ABCA2: variants seen among roughly 807,000 people sequenced by gnomAD.
ABCA2 encodes ATP-binding cassette sub-family A member 2.
In ABCA2, 84 loss-of-function variants were observed where a neutral mutation model predicts 262.8. The observed-to-expected ratio is 0.32, with a 90% CI of 0.27 to 0.38. The LOEUF (loss-of-function observed/expected upper bound fraction) is 0.38, where lower values mean the gene tolerates loss of function less well. Among genes scored for constraint, ABCA2 ranks in the 10% least tolerant of loss-of-function variants. The pLI is 1.00. For missense variants in ABCA2, 2,662 were observed against 3,405.9 expected (o/e 0.78, Z 5.44); for synonymous variants, 1,696 against 1,502.9 (o/e 1.13, Z -2.97).
rs1440770245 is a variant in ABCA2, at chr9:137,012,783, G to T, written c.5010C>A (p.Ile1670=). ...PPQMRVVTGD[I]LTDITGHNVS... is the part of the protein sequence containing the mutation. Reference sequence around the variant, plus strand: ...CATTGTGGCCGGTGATGTCGGTCAGGATGTCGCCTGTGACCACCCGCATCT... The same window carrying T: ...CATTGTGGCCGGTGATGTCGGTCAGTATGTCGCCTGTGACCACCCGCATCT... The change falls in exon 31 of 49, where the codon ATC becomes ATA. Residue 1670 remains isoleucine, a synonymous_variant. Transcript: ENST00000341511. 3 of 1,612,552 alleles carry T rather than the reference G, an allele frequency of 1.9e-6. No individual in the cohort carries two copies. Among genetic ancestry groups the T allele is most frequent in the Admixed American group, 1.7e-5 (1 of 60,004 alleles).
rs551567488 is a variant in ABCA2, at chr9:137,014,213, G to A, written c.4195C>T (p.Pro1399Ser). The stretch of plus-strand genomic sequence containing the variant: ...GGGTCCTGTGGGTTATCAAAGAGGG[G>A]GCGGTAGTCGCCATAGACGTCGGTG... ...GYTDVYGDYR[P>S]LFDNPQDPDN... Residue 1399 changes from proline to serine, a missense_variant, in exon 27 of 49, where the codon CCC becomes TCC. Pro to Ser is a moderately conservative substitution (Grantham distance 74). This residue lies in a region of ABCA2 where 297 missense variants were observed against 286.5 expected (regional missense o/e 1.04). Transcript: ENST00000341511. The A allele has an allele frequency of 1.4e-5, 23 of 1,609,640 alleles. No individual in the cohort carries two copies. The highest frequency in any genetic ancestry group is 1.3e-4 in the East Asian group (6 of 44,824).
In ABCA2 at chr9:137,015,508, C is replaced by T; in HGVS notation, c.3603G>A (p.Lys1201=). ...TGAGGAAGAGCGGGGAGCCGCAGCACTTGAGCTTCCCATGGGAGATGATGG... is the reference window on the plus strand; with the variant it reads ...TGAGGAAGAGCGGGGAGCCGCAGCATTTGAGCTTCCCATGGGAGATGATGG... ...RIAIISHGKL[K]CCGSPLFLKG... Residue 1201 remains lysine, a synonymous_variant, in exon 24 of 49, where the codon AAG becomes AAA. Coordinates refer to ENST00000341511, the MANE Select transcript of ABCA2 (RefSeq NM_001606.5). 1 of 1,612,366 alleles carries T rather than the reference C, an allele frequency of 6.2e-7. No homozygotes were observed. The highest frequency in any genetic ancestry group is 8.5e-7 in the Non-Finnish European group (1 of 1,179,764).
intron 19 of ABCA2, 71 bp downstream of exon 19, chr9:137,016,849 A>G: frequency 7.0e-6 from 11 of 1,580,420 alleles, no homozygotes; most frequent in Non-Finnish European, 9.5e-6. Flanking sequence ...AGGAGTGGAC[A>G]CAGACTGCTG....
At position 137,017,955 on chromosome 9, in the gene ABCA2, C is replaced by G. The variant is rs201200008; in HGVS notation, c.2096+18G>C. 72 of 1,612,356 alleles carry G rather than the reference C, an allele frequency of 4.5e-5. No homozygotes were observed. The Admixed American group carries it at 8.3e-4, about 19-fold the overall frequency. ...TCAGCCCCAGCCCCAGCCCCAGCCC[C>G]GGGCGCCCAGCACTCACTCATCGCG... On this transcript the variant is annotated intron_variant, in intron 15 of 48. Coordinates refer to ENST00000341511, the MANE Select transcript of ABCA2 (RefSeq NM_001606.5).
chr9:137,012,382 G>A lies in ABCA2; in HGVS notation c.5188-6C>T, dbSNP rs370080209. 1.0e-4 allele frequency: 163 copies of A among 1,611,292 alleles called. 1 individual carries two copies. The highest frequency in any genetic ancestry group is 1.3e-4 in the Non-Finnish European group (148 of 1,179,024). ...CCCTTGTTGTTGTAGAAAACCTGCA[G>A]AAGGAAGAGGACACAGAAAGGCCCC... On this transcript the variant is annotated splice_region_variant and splice_polypyrimidine_tract_variant and intron_variant, in intron 32 of 48. Coordinates refer to ENST00000341511, the MANE Select transcript of ABCA2 (RefSeq NM_001606.5).
At position 137,011,350 on chromosome 9, in the gene ABCA2, G is replaced by T. The variant is rs1476726356; in HGVS notation, c.5800-41C>A. 1.9e-6 allele frequency: 3 copies of T among 1,603,974 alleles called. No individual in the cohort carries two copies. The East Asian group carries it at 6.7e-5, about 36-fold the overall frequency. The stretch of plus-strand genomic sequence containing the variant: ...GGTCAGGGGCACAGGGGTGGCCGGG[G>T]TGAGGGGCACAGCCTCCGCAGGGTC... On this transcript the variant is annotated intron_variant, in intron 37 of 48. Transcript: ENST00000341511. The surrounding 1 kb of genome is among the most constrained non-coding windows in gnomAD (Gnocchi z 8.8).
chr9:137,018,770 C>T lies in ABCA2; in HGVS notation c.1768G>A (p.Val590Ile), dbSNP rs1024846912. ...FKGFPDEESI[V>I]NYTLNQAYQD... ...TAGGCCTGGTTGAGGGTGTAGTTGA[C>T]AATGCTCTCCTCGTCGGGGAAGCCC... Residue 590 changes from valine (V) to isoleucine (I), a missense_variant, in exon 13 of 49, where the codon GTC (valine) becomes ATC (isoleucine). Coordinates refer to ENST00000341511, the MANE Select transcript of ABCA2 (RefSeq NM_001606.5). The T allele has an allele frequency of 3.1e-6, 5 of 1,612,588 alleles. No homozygotes were observed. Among genetic ancestry groups the T allele is most frequent in the African/African-American group, 1.3e-5 (1 of 74,962 alleles).
Position 137,021,819 on chromosome 9 carries a change from TCA to T in ABCA2, c.678+70_678+71del. ...CCAAGTCACCAAAGGGGCCCTTTCCTCACCCACGGAGCAGAAGCACCCCCAGA... is the reference window on the plus strand; with the variant it reads ...CCAAGTCACCAAAGGGGCCCTTTCCTCCCACGGAGCAGAAGCACCCCCAGA... On this transcript the variant is annotated intron_variant, in intron 7 of 48. Coordinates refer to ENST00000341511, the MANE Select transcript of ABCA2 (RefSeq NM_001606.5). The surrounding 1 kb of genome is among the most constrained non-coding windows in gnomAD (Gnocchi z 6.0). 7.0e-7 allele frequency: 1 copy of T among 1,422,082 alleles called. No homozygotes were observed. The highest frequency in any genetic ancestry group is 1.2e-5 in the South Asian group (1 of 81,524). 88.1% of individuals were successfully genotyped at this position (1,422,082 alleles called of 1,614,324 possible).
At chr9:137,013,675 C>A in intron 28 of ABCA2, 112 bp from the exon 29 acceptor site, 2 of 1,371,348 alleles carry the variant, frequency 1.5e-6, no homozygotes, top group East Asian at 4.9e-5. Flanking sequence ...GTCTGGGACC[C>A]GAGGAGACAG....
intron 14 of ABCA2, 43 bp from the exon 15 acceptor site, chr9:137,018,118 G>C (rs780951001): frequency 3.1e-6 from 5 of 1,609,630 alleles, no homozygotes; most frequent in African/African-American, 1.3e-5. Flanking sequence ...AGGCCCTCTC[G>C]TCCTCACACC....
chr9:137,015,757 G>A lies in ABCA2; in HGVS notation c.3432C>T (p.Ala1144=), dbSNP rs202178958. ...VAIAFVGGSR[A]IILDEPTAGV... ...CCGCCGTGGGCTCGTCCAGGATGAT[G>A]GCGCGAGAGCCGCCCACGAAGGCGA... Residue 1144 remains alanine (A), a synonymous_variant, in exon 23 of 49, where the codon GCC becomes GCT. Coordinates refer to ENST00000341511, the MANE Select transcript of ABCA2 (RefSeq NM_001606.5). The A allele has an allele frequency of 5.0e-5, 80 of 1,612,226 alleles. No homozygotes were observed. The South Asian group carries it at 8.6e-4, about 17-fold the overall frequency.
chr9:137,022,505 G>A, intron 5 of ABCA2, 27 bp from the exon 6 acceptor site: 4 of 1,606,706 alleles, frequency 2.5e-6, no homozygotes, highest in Non-Finnish European at 1.7e-6. Context: ...GCGAGGCTGA[G>A]AGGCCGCTGC....
rs201335274 is a variant in ABCA2, at chr9:137,015,781, G to A, written c.3408C>T (p.Ile1136=). ...GGMKRKLSVA[I]AFVGGSRAII... ...TGGCGCGAGAGCCGCCCACGAAGGC[G>A]ATGGCCACGGACAGCTTGCGCTTCA... The change falls in exon 23 of 49, where the codon ATC becomes ATT. Residue 1136 remains isoleucine, a synonymous_variant. Coordinates refer to ENST00000341511, the MANE Select transcript of ABCA2 (RefSeq NM_001606.5). The A allele has an allele frequency of 3.7e-5, 60 of 1,612,430 alleles. No homozygotes were observed. In the Admixed American group the frequency reaches 5.3e-4, roughly 14 times the overall value.
intron 2 of ABCA2, 93 bp from the exon 3 acceptor site, chr9:137,023,933 G>A: frequency 7.6e-7 from 1 of 1,311,452 alleles, no homozygotes; most frequent in Non-Finnish European, 1.1e-6. Flanking sequence ...TCACCAGGAA[G>A]AGGCGTTGGC....
intron 16 of ABCA2, 40 bp from the exon 17 acceptor site, chr9:137,017,732 G>T (rs1831311710): frequency 1.2e-6 from 2 of 1,608,686 alleles, no homozygotes. Flanking sequence ...CCCCGGGGAG[G>T]ACGCCGCCCC....
chr9:137,022,087 G>T, intron 6 of ABCA2, 86 bp from the exon 7 acceptor site: 1 of 758,754 alleles, frequency 1.3e-6, no homozygotes, highest in East Asian at 3.1e-5. Flanking sequence ...ACGTGTGGGG[G>T]CGTGGCTTAG....
intron 33 of ABCA2, 41 bp from the exon 34 acceptor site, chr9:137,012,203 C>T: frequency 6.2e-7 from 1 of 1,608,110 alleles, no homozygotes; most frequent in Non-Finnish European, 8.5e-7. Flanking sequence ...CAGGCCCCAG[C>T]TCCTCCCCGC....
chr9:137,010,158 G>T (rs750339752), intron 41 of ABCA2, 34 bp from the exon 42 acceptor site: 1 of 1,592,344 alleles, frequency 6.3e-7, no homozygotes. Context: ...GCGTGAGGAC[G>T]CGGCGGCCCC....
chr9:137,019,072 T>C lies in ABCA2; in HGVS notation c.1555-2A>G, dbSNP rs1325119783. 6.2e-7 allele frequency: 1 copy of C among 1,607,240 alleles called. No homozygotes were observed. The highest frequency in any genetic ancestry group is 8.5e-7 in the Non-Finnish European group (1 of 1,175,826). On this transcript the variant is annotated splice_acceptor_variant, in intron 11 of 48. Transcript: ENST00000341511. LOFTEE classifies it high-confidence loss of function. The surrounding 1 kb of genome is among the most constrained non-coding windows in gnomAD (Gnocchi z 4.4). ...GTGCAGCCGCAGCTCTGCTACATAC[T>C]TGGGGTGGAGGGGCGGCTCAGAGGG... is the stretch of plus-strand genomic sequence containing the variant.
Sources: allele counts gnomAD v4.1 joint callset, GRCh38; gene constraint gnomAD v4.1.1; regional missense constraint gnomAD v4.1.1; non-coding constraint Gnocchi (gnomAD v3.1); transcripts MANE v1.5; gene names NCBI Gene and HGNC (gene_info 2026-07-23, HGNC 2026-07-21).